Variants in FGGY observed in about 807,000 individuals in gnomAD.
FGGY encodes the protein FGGY carbohydrate kinase domain containing.
A neutral mutation model predicts 71.3 loss-of-function variants in FGGY; 72 were observed. That is an observed-to-expected ratio of 1.01 (90% confidence interval 0.84 to 1.23). The LOEUF is 1.23. Ranked by LOEUF, FGGY falls within the 50% of genes most tolerant of loss-of-function variation. The probability of loss-of-function intolerance (pLI) is 0.00; values close to 1 mark genes in which losing one functional copy is unlikely to be tolerated. For synonymous variants in FGGY, 251 were observed against 250.3 expected (o/e 1.00, Z -0.02); for missense variants, 668 against 682.3 (o/e 0.98, Z 0.23).
At chr1:59,724,078 G>A (rs1275370847) in intron 14 of FGGY, among the ~76,000 whole-genome samples, 7 of 151,812 alleles carry the variant, frequency 4.6e-5, no homozygotes, top group African/African-American at 1.2e-4. Flanking sequence ...CAGGAGAATC[G>A]CTTGAACTTG....
chr1:59,656,894 A>G (rs1009597752), intron 11 of FGGY, among the ~76,000 whole-genome samples: 11 of 152,186 alleles, frequency 7.2e-5, no homozygotes, highest in African/African-American at 2.7e-4. Flanking sequence ...TTAGTGCTCA[A>G]TTACATTGAT....
chr1:59,740,381 A>C (rs944728611), intron 14 of FGGY, among the ~76,000 whole-genome samples: 1 of 152,220 alleles, frequency 6.6e-6, no homozygotes, highest in African/African-American at 2.4e-5. Context: ...CTAAGAGAAA[A>C]GCCATTAGAA....
In FGGY at chr1:59,608,055, A is replaced by G. The variant is rs536942617; in HGVS notation, c.1011+145A>G. On this transcript the variant is annotated intron_variant, in intron 9 of 15. Transcript: ENST00000303721. The stretch of plus-strand genomic sequence containing the variant: ...ACTTTCTCTTAGTGCACAGCCTAAC[A>G]TGTCATACACATGCAGCATATATTG... 2.9e-5 allele frequency: 18 copies of G among 621,160 alleles called. No homozygotes were observed. The African/African-American group carries it at 3.1e-4, about 11-fold the overall frequency. The allele number at this position is 621,160 out of a possible 1,614,324, so 38.5% of individuals were successfully genotyped here. A position where few individuals can be genotyped will look rare whatever the true frequency, so the allele number is the denominator to read the frequency against.
At chr1:59,573,316 A>G (rs999369787) in intron 8 of FGGY, among the ~76,000 whole-genome samples, 49 of 152,204 alleles carry the variant, frequency 3.2e-4, no homozygotes, top group African/African-American at 1.1e-3. Context: ...TAATTGTATT[A>G]TGGATATATA....
chr1:59,592,659 A>T (rs1167905208), intron 8 of FGGY, among the ~76,000 whole-genome samples: 2 of 152,112 alleles, frequency 1.3e-5, no homozygotes, highest in Non-Finnish European at 2.9e-5. Context: ...ATTGGAAATC[A>T]TTATTCTCAG....
At chr1:59,440,983 T>C (rs1344775313) in intron 5 of FGGY, among the ~76,000 whole-genome samples, 1 of 152,144 alleles carries the variant, frequency 6.6e-6, no homozygotes, top group Non-Finnish European at 1.5e-5. Flanking sequence ...ATGCACACTT[T>C]AAGGACGTTT....
intron 14 of FGGY, among the ~76,000 whole-genome samples, chr1:59,723,669 C>T (rs76245092): frequency 0.03 from 4,504 of 151,958 alleles, 101 homozygotes; most frequent in Non-Finnish European, 0.042. Flanking sequence ...AGAGTGAGAT[C>T]GTTTTATACA....
rs907566526 is a variant in FGGY at position 59,468,873 on chromosome 1, A to T, written c.670+11797A>T. Among the ~76,000 whole-genome samples, 4 of 102,080 alleles carry T rather than the reference A, an allele frequency of 3.9e-5. No individual in the cohort carries two copies. In the South Asian group the frequency reaches 7.8e-4, roughly 20 times the overall value. The allele number at this position is 102,080 out of a possible 152,430, so 67.0% of individuals were successfully genotyped here. On this transcript the variant is annotated intron_variant, in intron 6 of 15. Coordinates refer to ENST00000303721, the MANE Select transcript of FGGY (RefSeq NM_018291.5). ...CTCCACTGAGCAAGACTCTGTCTTT[A>T]AAAAAAAAAAAAAAAAAAAAGGATC...
intron 6 of FGGY, among the ~76,000 whole-genome samples, chr1:59,488,076 G>T (rs2093708405): frequency 6.6e-6 from 1 of 151,946 alleles, no homozygotes; most frequent in Non-Finnish European, 1.5e-5. Flanking sequence ...TGTGTAGTCT[G>T]CAGTTTTAAG....
In FGGY at chr1:59,456,603, C is replaced by G. The variant is rs568443548; in HGVS notation, c.555-358C>G. Among the ~76,000 whole-genome samples the G allele has an allele frequency of 2.4e-4, 37 of 152,180 alleles. No homozygotes were observed. The South Asian group carries it at 7.1e-3, about 29-fold the overall frequency. ...AGCTGGGACTAGAGGCATCCACCAC[C>G]AAGCCTGGCTAATTTTGTATTTTTA... On this transcript the variant is annotated intron_variant, in intron 5 of 15. Coordinates refer to ENST00000303721, the MANE Select transcript of FGGY (RefSeq NM_018291.5).
At chr1:59,388,268 A>G (rs114521068) in intron 5 of FGGY, among the ~76,000 whole-genome samples, 1,701 of 152,288 alleles carry the variant, frequency 0.011, 36 homozygotes, top group African/African-American at 0.039. Flanking sequence ...TGCTGGTCAC[A>G]CTTGGGCATA....
chr1:59,311,089 C>G (rs890332366), intron 1 of FGGY, among the ~76,000 whole-genome samples: 1 of 152,066 alleles, frequency 6.6e-6, no homozygotes, highest in African/African-American at 2.4e-5. Context: ...GAAGGCATTT[C>G]TAATGATCAT....
At chr1:59,518,144 CA>C (rs1196254150) in intron 7 of FGGY, among the ~76,000 whole-genome samples, 3 of 152,160 alleles carry the variant, frequency 2.0e-5, no homozygotes, top group Admixed American at 6.5e-5. Context: ...AGAGCCAGGC[CA>C]AAATGAGGAT....
intron 5 of FGGY, among the ~76,000 whole-genome samples, chr1:59,401,348 C>A (rs2061944005): frequency 6.6e-6 from 1 of 152,162 alleles, no homozygotes; most frequent in Admixed American, 6.5e-5. Context: ...ATGTTATTAA[C>A]AATAAATTCC....
chr1:59,449,717 A>G (rs1243951967), intron 5 of FGGY, among the ~76,000 whole-genome samples: 1 of 152,042 alleles, frequency 6.6e-6, no homozygotes, highest in Non-Finnish European at 1.5e-5. Context: ...AATCCCAGCT[A>G]CTCACAAAAC....
chr1:59,469,196 G>A (rs1448454252), intron 6 of FGGY, among the ~76,000 whole-genome samples: 1 of 152,204 alleles, frequency 6.6e-6, no homozygotes, highest in Non-Finnish European at 1.5e-5. Context: ...GAGTACAGGT[G>A]GCTCAAGAAG....
intron 1 of FGGY, chr1:59,310,139 C>G (rs1158690109): frequency 2.2e-4 from 33 of 151,582 alleles, no homozygotes; most frequent in Admixed American, 2.1e-3. Context: ...GTCCTCAGCT[C>G]CTCCTGAATT....
At position 59,647,837 on chromosome 1, in the gene FGGY, C is replaced by T. The variant is rs1208553288; in HGVS notation, c.1221+9462C>T. On this transcript the variant is annotated intron_variant, in intron 11 of 15. Coordinates refer to ENST00000303721, the MANE Select transcript of FGGY (RefSeq NM_018291.5). ...TATGTATACATGTGCCATGCTGGTG[C>T]GCTGCACCCACTAACTCGTCATCTA... is the stretch of plus-strand genomic sequence containing the variant. Among the ~76,000 whole-genome samples the T allele has an allele frequency of 3.0e-4, 37 of 123,548 alleles. No homozygotes were observed. In the South Asian group the frequency reaches 7.2e-3, roughly 24 times the overall value. 81.1% of individuals were successfully genotyped at this position (123,548 alleles called of 152,430 possible).
chr1:59,466,923 C>A (rs921912281), intron 6 of FGGY, among the ~76,000 whole-genome samples: 1 of 152,104 alleles, frequency 6.6e-6, no homozygotes, highest in Non-Finnish European at 1.5e-5. Context: ...ACTAGTTCAA[C>A]CATTGTGGAA....
Sources: allele counts gnomAD v4.1 joint callset (sites outside exome capture counted in the v4.1 genomes callset), GRCh38; gene constraint gnomAD v4.1.1; transcripts MANE v1.5; gene names NCBI Gene and HGNC (gene_info 2026-07-23, HGNC 2026-07-21).